COL21A1: variants seen among roughly 807,000 people sequenced by gnomAD.
COL21A1 encodes the protein collagen type XXI alpha 1 chain.
A neutral mutation model predicts 137.9 loss-of-function variants in COL21A1; 149 were observed. The observed-to-expected ratio is 1.08, with a 90% CI of 0.95 to 1.24. The LOEUF is 1.24. Ranked by LOEUF, COL21A1 falls within the 50% of genes most tolerant of loss-of-function variation. The pLI, the probability that COL21A1 is intolerant of heterozygous loss-of-function variation, is 0.00. For missense variants in COL21A1, 1,167 were observed against 1,158.4 expected, an observed-to-expected ratio of 1.01 and a Z score of -0.11; for synonymous variants, 456 against 391.5, an observed-to-expected ratio of 1.16 and a Z score of -1.95.
intron 1 of COL21A1, among the ~76,000 whole-genome samples, chr6:56,303,821 G>A (rs974469346): frequency 5.3e-5 from 8 of 152,154 alleles, no homozygotes; most frequent in Non-Finnish European, 1.2e-4. Flanking sequence ...GTTTTCAAAG[G>A]GAATGCTCCC....
chr6:56,278,125 G>T (rs1240454079), intron 1 of COL21A1, among the ~76,000 whole-genome samples: 6 of 151,990 alleles, frequency 3.9e-5, no homozygotes, highest in Non-Finnish European at 7.4e-5. Context: ...TTTCTCTCTG[G>T]CAAACACAGA....
At chr6:56,124,734 C>T (rs1375278826) in intron 14 of COL21A1, among the ~76,000 whole-genome samples, 1 of 152,034 alleles carries the variant, frequency 6.6e-6, no homozygotes, top group Non-Finnish European at 1.5e-5. Context: ...CTCCGCCTCC[C>T]GGGTTCACGC....
intron 1 of COL21A1, among the ~76,000 whole-genome samples, chr6:56,339,601 A>C (rs1765422253): frequency 6.6e-6 from 1 of 152,226 alleles, no homozygotes; most frequent in African/African-American, 2.4e-5. Flanking sequence ...TCCGGGTAGC[A>C]CACACTTCAT....
At chr6:56,175,830 T>C (rs1777425931) in intron 3 of COL21A1, among the ~76,000 whole-genome samples, 2 of 152,082 alleles carry the variant, frequency 1.3e-5, no homozygotes, top group South Asian at 4.1e-4. Context: ...CAAAACAATC[T>C]TGGGAAACAA....
intron 1 of COL21A1, among the ~76,000 whole-genome samples, chr6:56,255,319 C>T (rs1222534551): frequency 6.9e-6 from 1 of 145,506 alleles, no homozygotes; most frequent in East Asian, 2.0e-4. Flanking sequence ...CTAGAGTGAT[C>T]ACTGTTGTTA....
At chr6:56,375,404 G>A (rs2152351017) in intron 1 of COL21A1, among the ~76,000 whole-genome samples, 1 of 152,272 alleles carries the variant, frequency 6.6e-6, no homozygotes, top group Admixed American at 6.5e-5. Context: ...GTGGAAGAAG[G>A]ATAGGAGGAA....
At chr6:56,278,295 G>A (rs546053296) in intron 1 of COL21A1, among the ~76,000 whole-genome samples, 1 of 152,204 alleles carries the variant, frequency 6.6e-6, no homozygotes, top group African/African-American at 2.4e-5. Flanking sequence ...CTGCCTGGGG[G>A]TTACACTTAA....
chr6:56,252,853 G>C (rs962661844), intron 1 of COL21A1, among the ~76,000 whole-genome samples: 1 of 152,160 alleles, frequency 6.6e-6, no homozygotes, highest in African/African-American at 2.4e-5. Flanking sequence ...ACTGCATGGA[G>C]AGAAAAGATA....
intron 1 of COL21A1, among the ~76,000 whole-genome samples, chr6:56,258,442 T>C (rs1178911139): frequency 6.6e-6 from 1 of 152,116 alleles, no homozygotes; most frequent in Non-Finnish European, 1.5e-5. Context: ...ACGGAGGACC[T>C]CAAATGCATC....
chr6:56,347,237 G>A (rs533978120), intron 1 of COL21A1, among the ~76,000 whole-genome samples: 3 of 152,152 alleles, frequency 2.0e-5, no homozygotes, highest in South Asian at 4.2e-4. Flanking sequence ...TGGCTTGGGA[G>A]TCTCCTGTGA....
chr6:56,278,453 G>A (rs1323488852), intron 1 of COL21A1, among the ~76,000 whole-genome samples: 1 of 152,142 alleles, frequency 6.6e-6, no homozygotes, highest in East Asian at 1.9e-4. Flanking sequence ...CTCATTCTGT[G>A]TGGCCTGTGG....
Position 56,067,360 on chromosome 6 carries a change from A to C in COL21A1, c.2092-30T>G, listed in dbSNP as rs752068851. The C allele has an allele frequency of 5.7e-6, 9 of 1,584,058 alleles. No individual in the cohort carries two copies. In the Admixed American group the frequency reaches 1.5e-4, roughly 27 times the overall value. On this transcript the variant is annotated intron_variant, in intron 22 of 29. Coordinates refer to ENST00000244728, the MANE Select transcript of COL21A1 (RefSeq NM_030820.4). ...AAAAAGGCAGTTTGATCTGTATCAT[A>C]ATCTAGCATATTCTGTACAGTTTCA...
chr6:56,223,042 C>A (rs1375081352), intron 1 of COL21A1, among the ~76,000 whole-genome samples: 10 of 149,262 alleles, frequency 6.7e-5, no homozygotes, highest in Non-Finnish European at 4.5e-5. Context: ...CTATTCAGAA[C>A]AAAAAAAAAA....
chr6:56,102,331 G>A (rs1330586886), intron 16 of COL21A1, among the ~76,000 whole-genome samples: 1 of 152,042 alleles, frequency 6.6e-6, no homozygotes, highest in Non-Finnish European at 1.5e-5. Flanking sequence ...ATACACACAT[G>A]TACACACCCC....
intron 1 of COL21A1, among the ~76,000 whole-genome samples, chr6:56,258,398 A>G (rs774289659): frequency 2.6e-5 from 4 of 151,964 alleles, no homozygotes; most frequent in Non-Finnish European, 5.9e-5. Flanking sequence ...CTTGCACTAT[A>G]ACACCTCCAA....
rs140768756 is a variant in COL21A1 at position 56,378,688 on chromosome 6, G to A, written c.-39+15283C>T. Among the ~76,000 whole-genome samples the A allele has an allele frequency of 5.2e-3, 790 of 152,280 alleles. 6 individuals carry two copies. Among genetic ancestry groups the A allele is most frequent in the Middle Eastern group, 0.041 (12 of 294 alleles). ...AGGGAAGGACATGGGCCTGGCTGGC[G>A]TTGCCACTTGCTGATTATAGAGCCC... On this transcript the variant is annotated intron_variant, in intron 1 of 28. Transcript: ENST00000370819.
At chr6:56,326,283 A>T (rs1247935798) in intron 1 of COL21A1, among the ~76,000 whole-genome samples, 1 of 151,440 alleles carries the variant, frequency 6.6e-6, no homozygotes, top group Non-Finnish European at 1.5e-5. Context: ...AATGGAGGTT[A>T]TTTTGAATAA....
intron 3 of COL21A1, among the ~76,000 whole-genome samples, chr6:56,172,543 A>C (rs1341344627): frequency 6.6e-6 from 1 of 152,202 alleles, no homozygotes; most frequent in Admixed American, 6.5e-5. Context: ...GTCCTTCAAG[A>C]TCAAACAGAA....
intron 19 of COL21A1, 112 bp from the exon 20 acceptor site, chr6:56,074,397 G>T: frequency 1.5e-6 from 1 of 646,482 alleles, no homozygotes; most frequent in South Asian, 2.4e-5. Context: ...TTATAATACA[G>T]ATCTGAAAAT....
Sources: gnomAD v4.1 joint callset for allele counts (sites outside exome capture counted in the v4.1 genomes callset) on GRCh38, gnomAD v4.1.1 for gene constraint, MANE v1.5 for transcripts, NCBI Gene and HGNC (gene_info 2026-07-23, HGNC 2026-07-21) for gene names.